CDH13: variants seen among roughly 807,000 people sequenced by gnomAD.
The protein encoded by CDH13 is cadherin-13.
In CDH13, 24 loss-of-function variants were observed where a neutral mutation model predicts 63.8. The observed-to-expected ratio is 0.38, with a 90% CI of 0.27 to 0.53. The LOEUF is 0.53. Among genes scored for constraint, CDH13 ranks in the 20% least tolerant of loss-of-function variants. The pLI, the probability that CDH13 is intolerant of heterozygous loss-of-function variation, is 0.85. For missense variants in CDH13, 1,049 were observed against 903.1 expected, an observed-to-expected ratio of 1.16 and a Z score of -2.07; for synonymous variants, 503 against 355.3, an observed-to-expected ratio of 1.42 and a Z score of -4.67.
intron 13 of CDH13, 61 bp from the exon 14 acceptor site, chr16:83,794,962 C>T: frequency 6.6e-7 from 1 of 1,515,314 alleles, no homozygotes; most frequent in Non-Finnish European, 9.0e-7. Context: ...TGGCTTTTAG[C>T]TAAAATGTTT....
At chr16:83,033,112 G>C (rs779519096) in intron 3 of CDH13, among the ~76,000 whole-genome samples, 1 of 151,942 alleles carries the variant, frequency 6.6e-6, no homozygotes, top group Non-Finnish European at 1.5e-5. Context: ...ACATACATAT[G>C]GTATATGTGC....
intron 2 of CDH13, among the ~76,000 whole-genome samples, chr16:82,928,000 A>G (rs1410333122): frequency 6.6e-6 from 1 of 152,138 alleles, no homozygotes; most frequent in Non-Finnish European, 1.5e-5. Context: ...TTTAGTAGCT[A>G]TGTTTTTGCT....
intron 1 of CDH13, among the ~76,000 whole-genome samples, chr16:82,856,517 C>T (rs146992153): frequency 4.0e-4 from 60 of 150,918 alleles, no homozygotes; most frequent in Non-Finnish European, 6.9e-4. Flanking sequence ...GCCTGTGCAA[C>T]ATAGTGAAAC....
At chr16:83,697,191 G>T (rs926530622) in intron 10 of CDH13, among the ~76,000 whole-genome samples, 2 of 152,188 alleles carry the variant, frequency 1.3e-5, no homozygotes, top group Non-Finnish European at 2.9e-5. Flanking sequence ...TATTCTTGGA[G>T]GAGTGCAGAA....
At chr16:83,325,260 G>A (rs931669792) in intron 5 of CDH13, among the ~76,000 whole-genome samples, 4 of 149,986 alleles carry the variant, frequency 2.7e-5, no homozygotes, top group African/African-American at 9.7e-5. Flanking sequence ...TACAATAGGG[G>A]CACCTTATCT....
chr16:83,391,854 C>T (rs1254529792), intron 6 of CDH13, among the ~76,000 whole-genome samples: 1 of 152,168 alleles, frequency 6.6e-6, no homozygotes, highest in Non-Finnish European at 1.5e-5. Context: ...GGAATATGTT[C>T]ATCTGTACGA....
chr16:83,196,688 T>C (rs1480998863), intron 4 of CDH13, among the ~76,000 whole-genome samples: 1 of 152,134 alleles, frequency 6.6e-6, no homozygotes, highest in Non-Finnish European at 1.5e-5. Flanking sequence ...CATGAACAAA[T>C]GTTCCAACTC....
At chr16:83,566,124 G>A (rs149126275) in intron 7 of CDH13, among the ~76,000 whole-genome samples, 138 of 152,180 alleles carry the variant, frequency 9.1e-4, no homozygotes, top group Non-Finnish European at 1.1e-3. Context: ...ATGGTATGTT[G>A]GGCTCTAAAT....
intron 5 of CDH13, among the ~76,000 whole-genome samples, chr16:83,253,051 G>T (rs893985427): frequency 6.6e-6 from 1 of 152,236 alleles, no homozygotes; most frequent in South Asian, 2.1e-4. Context: ...ACAGCACCTG[G>T]CACAGAGTAA....
intron 8 of CDH13, among the ~76,000 whole-genome samples, chr16:83,657,037 C>G (rs1334868040): frequency 6.6e-6 from 1 of 152,160 alleles, no homozygotes; most frequent in Non-Finnish European, 1.5e-5. Context: ...ACTCAGGGCA[C>G]TCAGTTGGGC....
At chr16:83,357,157 C>A (rs930606708) in intron 6 of CDH13, among the ~76,000 whole-genome samples, 46 of 152,122 alleles carry the variant, frequency 3.0e-4, no homozygotes, top group African/African-American at 9.7e-4. Flanking sequence ...TGGCCTGTTT[C>A]CCTGGCCCAT....
chr16:83,343,955 T>C (rs1057265954), intron 5 of CDH13, among the ~76,000 whole-genome samples: 6 of 152,236 alleles, frequency 3.9e-5, no homozygotes, highest in African/African-American at 1.4e-4. Context: ...TGAGTGTTTT[T>C]GTTAACCCCA....
Position 82,959,616 on chromosome 16 carries a change from G to C in CDH13, c.158-72394G>C, listed in dbSNP as rs542653884. Among the ~76,000 whole-genome samples the C allele has an allele frequency of 3.3e-5, 5 of 152,230 alleles. No individual in the cohort carries two copies. In the South Asian group the frequency reaches 1.0e-3, roughly 32 times the overall value. On this transcript the variant is annotated intron_variant, in intron 2 of 13. Coordinates refer to ENST00000567109, the MANE Select transcript of CDH13 (RefSeq NM_001257.5). ...TTCGACCTCCATCTCTAATTTTCAG[G>C]ACCCTTGTGATTGCATTGGGTTCAC...
chr16:83,411,860 C>T (rs1363460109), intron 6 of CDH13, among the ~76,000 whole-genome samples: 1 of 152,166 alleles, frequency 6.6e-6, no homozygotes, highest in Non-Finnish European at 1.5e-5. Context: ...GTCCTCATAA[C>T]AAGTTTATAA....
intron 5 of CDH13, among the ~76,000 whole-genome samples, chr16:83,238,342 G>A (rs1297227111): frequency 6.6e-6 from 1 of 152,154 alleles, no homozygotes; most frequent in Non-Finnish European, 1.5e-5. Context: ...GAGAGCGTGT[G>A]CAGGGGAACT....
At chr16:82,750,829 C>T (rs772549052) in intron 1 of CDH13, among the ~76,000 whole-genome samples, 1 of 151,954 alleles carries the variant, frequency 6.6e-6, no homozygotes, top group Non-Finnish European at 1.5e-5. Context: ...TTCCAATTTT[C>T]TGTTATGGTT....
chr16:83,772,658 A>C (rs1355766817), intron 11 of CDH13, among the ~76,000 whole-genome samples: 4 of 152,234 alleles, frequency 2.6e-5, no homozygotes, highest in Admixed American at 6.5e-5. Context: ...AATCTCATTA[A>C]GTCGCTTGCC....
intron 5 of CDH13, among the ~76,000 whole-genome samples, chr16:83,336,417 T>C (rs1318965954): frequency 6.6e-6 from 1 of 152,118 alleles, no homozygotes; most frequent in African/African-American, 2.4e-5. Flanking sequence ...ATAACGGCAG[T>C]GGCAGCATCT....
At chr16:83,402,688 A>C (rs2091985924) in intron 6 of CDH13, among the ~76,000 whole-genome samples, 1 of 152,212 alleles carries the variant, frequency 6.6e-6, no homozygotes, top group South Asian at 2.1e-4. Context: ...GCATGACTAA[A>C]GTCAAGCATT....
Sources: allele counts gnomAD v4.1 joint callset (sites outside exome capture counted in the v4.1 genomes callset), GRCh38; gene constraint gnomAD v4.1.1; transcripts MANE v1.5; gene names NCBI Gene and HGNC (gene_info 2026-07-23, HGNC 2026-07-21).